Variants in MEI1 observed in about 807,000 individuals in gnomAD.
MEI1 encodes meiosis inhibitor protein 1.
A neutral mutation model predicts 146.2 loss-of-function variants in MEI1; 103 were observed. The observed-to-expected ratio is 0.70, with a 90% CI of 0.60 to 0.83. The LOEUF (loss-of-function observed/expected upper bound fraction) is 0.83, where lower values mean the gene tolerates loss of function less well. Ranked by LOEUF, MEI1 falls within the 40% of genes least tolerant of loss-of-function variation. The pLI, the probability that MEI1 is intolerant of heterozygous loss-of-function variation, is 0.00. For missense variants in MEI1, 1,529 were observed against 1,533.0 expected (o/e 1.00, Z 0.04); for synonymous variants, 652 against 628.2 (o/e 1.04, Z -0.57).
At chr22:41,746,559 C>T (rs1436869496) in intron 14 of MEI1, among the ~76,000 whole-genome samples, 6 of 152,104 alleles carry the variant, frequency 3.9e-5, no homozygotes, top group Non-Finnish European at 8.8e-5. Context: ...GAGACTTGAT[C>T]CTTGATCCTG....
rs769582825 is a variant in MEI1 at position 41,699,715 on chromosome 22, GCGGGCGGAAC to G, written c.174+5_174+14del. 6.4e-7 allele frequency: 1 copy of G among 1,560,010 alleles called. No homozygotes were observed. Among genetic ancestry groups the G allele is most frequent in the East Asian group, 2.4e-5 (1 of 42,096 alleles). On this transcript the variant is annotated splice_donor_5th_base_variant and intron_variant, in intron 1 of 30. Coordinates refer to ENST00000401548, the MANE Select transcript of MEI1 (RefSeq NM_152513.4). Reference sequence around the variant, plus strand: ...TGCTGCCGGACCCCGGCGTGTCGGTGCGGGCGGAACCTTTTCTTCAGAAGACCTGGGTTTG... The same window carrying G: ...TGCTGCCGGACCCCGGCGTGTCGGTGCTTTTCTTCAGAAGACCTGGGTTTG...
At chr22:41,733,888 A>C (rs1202227522) in intron 11 of MEI1, among the ~76,000 whole-genome samples, 1 of 152,038 alleles carries the variant, frequency 6.6e-6, no homozygotes, top group Non-Finnish European at 1.5e-5. Flanking sequence ...GCACTTTGGG[A>C]GGCCAAGGTC....
chr22:41,769,750 G>A (rs2075064635), intron 19 of MEI1, among the ~76,000 whole-genome samples: 1 of 151,784 alleles, frequency 6.6e-6, no homozygotes, highest in South Asian at 2.1e-4. Context: ...GGGATTACAG[G>A]CATGAGCCCC....
chr22:41,751,797 C>A (rs548340191), intron 15 of MEI1, among the ~76,000 whole-genome samples: 1 of 137,408 alleles, frequency 7.3e-6, no homozygotes, highest in Admixed American at 7.3e-5. Context: ...AAAGGCCAGG[C>A]GCAGTGGGTC....
intron 15 of MEI1, among the ~76,000 whole-genome samples, chr22:41,751,088 G>GGGA (rs2073718799): frequency 1.3e-5 from 2 of 152,094 alleles, no homozygotes; most frequent in Non-Finnish European, 2.9e-5. Flanking sequence ...AGAGGGAGGA[G>GGGA]GGAAGCAGGC....
Position 41,795,263 on chromosome 22 carries a change from C to A in MEI1, c.3535-148C>A. On this transcript the variant is annotated intron_variant, in intron 28 of 30. Transcript: ENST00000401548. This position sits in a 1 kb window ranked among gnomAD's most constrained non-coding sequence, Gnocchi z 4.2. ...CCCACTTCCCCATGACACAGTCCCACCTCTGCCCACTAACTCTGAGCTCCT... is the reference window on the plus strand; with the variant it reads ...CCCACTTCCCCATGACACAGTCCCAACTCTGCCCACTAACTCTGAGCTCCT... 1 of 1,066,766 alleles carries A rather than the reference C, an allele frequency of 9.4e-7. No homozygotes were observed. The highest frequency in any genetic ancestry group is 1.4e-6 in the Non-Finnish European group (1 of 736,792). 66.1% of individuals were successfully genotyped at this position (1,066,766 alleles called of 1,614,324 possible).
chr22:41,770,557 A>G (rs1301116362), intron 19 of MEI1, 129 bp from the exon 20 acceptor site: 5 of 832,522 alleles, frequency 6.0e-6, no homozygotes, highest in African/African-American at 5.2e-5. Flanking sequence ...GTGCCTTGGG[A>G]TGAGCTAGCC....
chr22:41,736,354 A>G (rs1247760309), intron 11 of MEI1, among the ~76,000 whole-genome samples: 2 of 148,422 alleles, frequency 1.3e-5, no homozygotes, highest in Non-Finnish European at 3.0e-5. Flanking sequence ...GGTTCACGCC[A>G]TTCTCCCGCC....
At chr22:41,766,032 AG>A (rs1274469998) in intron 19 of MEI1, among the ~76,000 whole-genome samples, 1 of 151,172 alleles carries the variant, frequency 6.6e-6, no homozygotes, top group Non-Finnish European at 1.5e-5. Flanking sequence ...CTGGGATTAC[AG>A]GCACCCGCCA....
In MEI1 at chr22:41,745,975, C is replaced by G; in HGVS notation, c.1629C>G (p.Phe543Leu). The change falls in exon 14 of 31, where the codon TTC (phenylalanine) becomes TTG (leucine). Residue 543 changes from phenylalanine to leucine, a missense_variant. By Grantham distance (22) the Phe-to-Leu change is conservative (BLOSUM62 0). Coordinates refer to ENST00000401548, the MANE Select transcript of MEI1 (RefSeq NM_152513.4). ...SAKKEDTLEAFSEFLLSACDS... is the reference protein window; with the variant it reads ...SAKKEDTLEALSEFLLSACDS... ...AGAAGGAAGACACCTTGGAGGCCTT[C>G]TCAGAATTTCTTCTCAGTGCCTGTG... 6.2e-7 allele frequency: 1 copy of G among 1,613,016 alleles called. No homozygotes were observed. The highest frequency in any genetic ancestry group is 8.5e-7 in the Non-Finnish European group (1 of 1,179,432).
rs183106093 is a variant in MEI1, at chr22:41,719,983, C to T, written c.733+1709C>T. ...GACCTAGCCATACATAGTGAGCATT[C>T]GTTCTATAGCTGGCCCTGTGCTGGG... On this transcript the variant is annotated intron_variant, in intron 6 of 30. Coordinates refer to ENST00000401548, the MANE Select transcript of MEI1 (RefSeq NM_152513.4). Among the ~76,000 whole-genome samples the T allele has an allele frequency of 6.6e-5, 10 of 152,232 alleles. No individual in the cohort carries two copies. The South Asian group carries it at 1.0e-3, about 16-fold the overall frequency.
At position 41,718,302 on chromosome 22, in the gene MEI1, G is replaced by A. The variant is rs148856417; in HGVS notation, c.733+28G>A. 1.5e-4 allele frequency: 234 copies of A among 1,605,106 alleles called. No homozygotes were observed. In the African/African-American group the frequency reaches 2.8e-3, roughly 19 times the overall value. On this transcript the variant is annotated intron_variant, in intron 6 of 30. Transcript: ENST00000401548. Reference sequence around the variant, plus strand: ...AAGACATGAGGCTGGAGAAAAAAGGGAGAATAAGTTTTTGACATTTTGCTA... The same window carrying A: ...AAGACATGAGGCTGGAGAAAAAAGGAAGAATAAGTTTTTGACATTTTGCTA...
intron 19 of MEI1, among the ~76,000 whole-genome samples, chr22:41,767,156 A>C (rs777736926): frequency 1.3e-5 from 2 of 152,210 alleles, no homozygotes; most frequent in Non-Finnish European, 1.5e-5. Flanking sequence ...GCTAGCTCCC[A>C]GGCCTTTCCT....
Position 41,703,447 on chromosome 22 carries a change from G to T in MEI1, c.291G>T (p.Val97=). The T allele has an allele frequency of 1.3e-6, 2 of 1,577,242 alleles. No individual in the cohort carries two copies. The highest frequency in any genetic ancestry group is 1.7e-6 in the Non-Finnish European group (2 of 1,160,748). The change falls in exon 2 of 31, where the codon GTG becomes GTT. Residue 97 remains valine, a synonymous_variant. Coordinates refer to ENST00000401548, the MANE Select transcript of MEI1 (RefSeq NM_152513.4). ...GAGTCTGCATCCACTTCATAAGTGTGCTTTTTGGTAAGATTAAGAGGGAAA... is the reference window on the plus strand; with the variant it reads ...GAGTCTGCATCCACTTCATAAGTGTTCTTTTTGGTAAGATTAAGAGGGAAA... ...DQRVCIHFIS[V]LFGLLCSMED...
At chr22:41,752,757 G>C in intron 16 of MEI1, 106 bp downstream of exon 16, 1 of 978,454 alleles carries the variant, frequency 1.0e-6, no homozygotes, top group Non-Finnish European at 1.6e-6. Flanking sequence ...GGCTCATGGT[G>C]GTGTTGACAT....
chr22:41,787,954 T>C (rs1418057099), intron 26 of MEI1, among the ~76,000 whole-genome samples: 1 of 152,234 alleles, frequency 6.6e-6, no homozygotes, highest in African/African-American at 2.4e-5. Flanking sequence ...TTGAGCATCA[T>C]GTTGGTGCTC....
chr22:41,778,240 T>C (rs955566331), intron 21 of MEI1, among the ~76,000 whole-genome samples: 16 of 152,194 alleles, frequency 1.1e-4, no homozygotes, highest in African/African-American at 3.9e-4. Context: ...ATCCCATTCA[T>C]GAAGATTCTA....
intron 26 of MEI1, among the ~76,000 whole-genome samples, chr22:41,785,203 G>A (rs1038305134): frequency 6.6e-6 from 1 of 151,490 alleles, no homozygotes; most frequent in African/African-American, 2.4e-5. Flanking sequence ...CCAAAGTGCT[G>A]GGATTACAGA....
At chr22:41,782,153 G>T (rs569796520) in intron 24 of MEI1, among the ~76,000 whole-genome samples, 1 of 152,152 alleles carries the variant, frequency 6.6e-6, no homozygotes, top group African/African-American at 2.4e-5. Context: ...TAGTCTTTAA[G>T]GATAAGATTG....
Sources: allele counts gnomAD v4.1 joint callset (sites outside exome capture counted in the v4.1 genomes callset), GRCh38; gene constraint gnomAD v4.1.1; non-coding constraint Gnocchi (gnomAD v3.1); transcripts MANE v1.5; gene names NCBI Gene and HGNC (gene_info 2026-07-23, HGNC 2026-07-21).